The following ADGRL3 variants were observed in gnomAD, a reference collection of about 807,000 sequenced individuals.
The protein encoded by ADGRL3 is calcium-independent alpha-latrotoxin receptor 3.
Under a neutral mutation model 153.5 loss-of-function variants are expected in ADGRL3, and 62 were observed. The observed-to-expected ratio is 0.40, with a 90% confidence interval of 0.33 to 0.50. The LOEUF is 0.50. Among genes scored for constraint, ADGRL3 ranks in the 20% least tolerant of loss-of-function variants. ADGRL3 has a pLI of 0.47. For synonymous variants in ADGRL3, 710 were observed against 672.5 expected, an observed-to-expected ratio of 1.06 and a Z score of -0.86; for missense variants, 1,641 against 1,859.4, an observed-to-expected ratio of 0.88 and a Z score of 2.16.
intron 6 of ADGRL3, among the ~76,000 whole-genome samples, chr4:61,679,321 T>C (rs2095283454): frequency 6.6e-6 from 1 of 152,020 alleles, no homozygotes; most frequent in Non-Finnish European, 1.5e-5. Flanking sequence ...GTGGCCCATC[T>C]CCAACACTGG....
In ADGRL3 at chr4:61,971,505, G is replaced by A. The variant is rs1354586971; in HGVS notation, c.2806-8058G>A. On this transcript the variant is annotated intron_variant, in intron 17 of 26. Transcript: ENST00000683033. ...CATGAACTCATCATTTTTTATGGCT[G>A]CATAGTATTCCATGGTATATATGTG... Among the ~76,000 whole-genome samples, 4 of 152,194 alleles carry A rather than the reference G, an allele frequency of 2.6e-5. No homozygotes were observed. In the South Asian group the frequency reaches 6.2e-4, roughly 24 times the overall value.
intron 2 of ADGRL3, among the ~76,000 whole-genome samples, chr4:61,465,749 TTATATATAAA>T: frequency 3.6e-5 from 1 of 27,810 alleles, no homozygotes; most frequent in South Asian, 3.0e-3. Flanking sequence ...GATTTTAAAA[TTATATATAAA>T]TATATATATA....
At chr4:61,918,529 A>T (rs1184171311) in intron 13 of ADGRL3, among the ~76,000 whole-genome samples, 1 of 152,134 alleles carries the variant, frequency 6.6e-6, no homozygotes, top group Non-Finnish European at 1.5e-5. Flanking sequence ...TCTAGAACTG[A>T]GCCCCAGGAC....
At chr4:61,996,191 A>G in intron 19 of ADGRL3, 100 bp from the exon 20 acceptor site, 1 of 721,990 alleles carries the variant, frequency 1.4e-6, no homozygotes, top group Non-Finnish European at 2.4e-6. Flanking sequence ...TCCCAGTGGA[A>G]TGCTTTGCAG....
chr4:62,037,649 A>G, intron 23 of ADGRL3, 82 bp from the exon 24 acceptor site: 1 of 1,439,724 alleles, frequency 6.9e-7, no homozygotes, highest in Non-Finnish European at 9.7e-7. Flanking sequence ...TTATCTAAAA[A>G]TAAAACTCAC....
intron 5 of ADGRL3, among the ~76,000 whole-genome samples, chr4:61,634,187 A>G (rs1170936206): frequency 6.6e-6 from 1 of 152,216 alleles, no homozygotes; most frequent in Non-Finnish European, 1.5e-5. Context: ...TAAAGTGGAC[A>G]GTCTCAGTAT....
chr4:61,932,705 C>A (rs899393752), intron 13 of ADGRL3, among the ~76,000 whole-genome samples: 3 of 151,982 alleles, frequency 2.0e-5, no homozygotes, highest in African/African-American at 7.2e-5. Flanking sequence ...GGAAGTGTCC[C>A]CTCCTCTTAT....
chr4:62,001,825 A>G (rs576778524), intron 21 of ADGRL3, among the ~76,000 whole-genome samples: 1 of 152,232 alleles, frequency 6.6e-6, no homozygotes, highest in East Asian at 1.9e-4. Flanking sequence ...GTATTTTTCA[A>G]AAATGTTTGT....
chr4:61,925,533 C>T (rs2098790675), intron 13 of ADGRL3, among the ~76,000 whole-genome samples: 2 of 152,122 alleles, frequency 1.3e-5, no homozygotes, highest in African/African-American at 2.4e-5. Context: ...ACAAGCATGG[C>T]ACTGGCATCT....
At chr4:61,825,788 A>T (rs1396931555) in intron 9 of ADGRL3, among the ~76,000 whole-genome samples, 1 of 152,192 alleles carries the variant, frequency 6.6e-6, no homozygotes, top group Non-Finnish European at 1.5e-5. Flanking sequence ...ATTATTCATG[A>T]CATGTGGTCC....
At chr4:61,570,252 C>T (rs1406629426) in intron 4 of ADGRL3, among the ~76,000 whole-genome samples, 1 of 152,086 alleles carries the variant, frequency 6.6e-6, no homozygotes, top group African/African-American at 2.4e-5. Context: ...AGTAATACAG[C>T]CATCTCTGTC....
At chr4:61,816,505 T>C (rs2097689937) in intron 9 of ADGRL3, among the ~76,000 whole-genome samples, 1 of 152,208 alleles carries the variant, frequency 6.6e-6, no homozygotes, top group African/African-American at 2.4e-5. Flanking sequence ...AAATAGATTA[T>C]ATCCCTTGAT....
At chr4:61,480,740 G>A (rs2098123682) in intron 2 of ADGRL3, among the ~76,000 whole-genome samples, 1 of 152,052 alleles carries the variant, frequency 6.6e-6, no homozygotes, top group Non-Finnish European at 1.5e-5. Context: ...CCGAGATCAT[G>A]CCACTGCACT....
intron 4 of ADGRL3, among the ~76,000 whole-genome samples, chr4:61,581,442 G>T (rs1001396452): frequency 1.3e-5 from 2 of 151,964 alleles, no homozygotes; most frequent in African/African-American, 4.8e-5. Flanking sequence ...ATCAAAATGC[G>T]CATGCCCTCC....
chr4:61,346,611 TA>T lies in ADGRL3; in HGVS notation c.-239-36512del, dbSNP rs1234370092. Among the ~76,000 whole-genome samples, 5 of 93,924 alleles carry T rather than the reference TA, an allele frequency of 5.3e-5. No individual in the cohort carries two copies. In the South Asian group the frequency reaches 1.5e-3, roughly 28 times the overall value. The allele number at this position is 93,924 out of a possible 152,430, so 61.6% of individuals were successfully genotyped here. ...AGACACTGTCTTTACAAAAGAAAAA[TA>T]GAAAAAAAAAAAAATAGCCAGACAT... On this transcript the variant is annotated intron_variant, in intron 1 of 26. Coordinates refer to ENST00000683033, the MANE Select transcript of ADGRL3 (RefSeq NM_001387552.1).
At chr4:61,277,019 C>T (rs2093494395) in intron 1 of ADGRL3, among the ~76,000 whole-genome samples, 1 of 152,060 alleles carries the variant, frequency 6.6e-6, no homozygotes, top group African/African-American at 2.4e-5. Flanking sequence ...AAACTACCCC[C>T]TATTTCATTT....
At position 61,279,938 on chromosome 4, in the gene ADGRL3, T is replaced by C. The variant is rs185997998; in HGVS notation, c.-240+78173T>C. Among the ~76,000 whole-genome samples, 18 of 152,236 alleles carry C rather than the reference T, an allele frequency of 1.2e-4. No homozygotes were observed. In the East Asian group the frequency reaches 2.9e-3, roughly 25 times the overall value. On this transcript the variant is annotated intron_variant, in intron 1 of 26. Coordinates refer to ENST00000683033, the MANE Select transcript of ADGRL3 (RefSeq NM_001387552.1). ...GTTGCAACTACTTAATGGGTAGTAG[T>C]AGCTGGTTGAGACTTCTATATCAAA...
At chr4:61,344,172 T>C (rs548627101) in intron 1 of ADGRL3, among the ~76,000 whole-genome samples, 2 of 152,370 alleles carry the variant, frequency 1.3e-5, no homozygotes, top group Admixed American at 1.3e-4. Context: ...GTGTGGCAAG[T>C]AATTCCTTAT....
chr4:61,837,236 C>T (rs988183275), intron 9 of ADGRL3, among the ~76,000 whole-genome samples: 18 of 152,022 alleles, frequency 1.2e-4, no homozygotes, highest in African/African-American at 4.3e-4. Context: ...CTTCTACCCA[C>T]CTAGGTCTTA....
Sources: gnomAD v4.1 joint callset for allele counts (sites outside exome capture counted in the v4.1 genomes callset) on GRCh38, gnomAD v4.1.1 for gene constraint, MANE v1.5 for transcripts, NCBI Gene and HGNC (gene_info 2026-07-23, HGNC 2026-07-21) for gene names.